SRBD1: variants seen among roughly 807,000 people sequenced by gnomAD.
SRBD1 encodes S1 RNA binding domain 1.
SRBD1 carries 88 observed loss-of-function variants against 115.3 expected under a neutral mutation model. The observed-to-expected ratio is 0.76, with a 90% CI of 0.64 to 0.91. SRBD1 has a LOEUF of 0.91. Ranked by LOEUF, SRBD1 falls within the 40% of genes least tolerant of loss-of-function variation. The pLI is 0.00. For synonymous variants in SRBD1, 509 were observed against 407.7 expected, an observed-to-expected ratio of 1.25 and a Z score of -2.99; for missense variants, 1,385 against 1,177.4, an observed-to-expected ratio of 1.18 and a Z score of -2.58.
At chr2:45,428,889 T>C (rs1668243139) in intron 16 of SRBD1, among the ~76,000 whole-genome samples, 1 of 151,896 alleles carries the variant, frequency 6.6e-6, no homozygotes, top group Non-Finnish European at 1.5e-5. Context: ...TCTGAAAAGA[T>C]TAACAAAATA....
intron 7 of SRBD1, 33 bp from the exon 8 acceptor site, chr2:45,574,756 C>A (rs1461230472): frequency 1.3e-6 from 2 of 1,544,386 alleles, no homozygotes; most frequent in Admixed American, 4.0e-5. Flanking sequence ...AAAACAAAAA[C>A]AAAAAGTATA....
chr2:45,566,633 TAC>T (rs1287488587), intron 9 of SRBD1, among the ~76,000 whole-genome samples: 2 of 152,208 alleles, frequency 1.3e-5, no homozygotes, highest in Non-Finnish European at 2.9e-5. Context: ...CCATTGAACT[TAC>T]AAAGTTCTAA....
intron 11 of SRBD1, among the ~76,000 whole-genome samples, chr2:45,552,801 T>C (rs1213354052): frequency 6.6e-6 from 1 of 152,194 alleles, no homozygotes; most frequent in Non-Finnish European, 1.5e-5. Context: ...GGACTATGTG[T>C]CTTTTTTAAT....
chr2:45,592,669 T>C (rs1225717399), intron 4 of SRBD1, among the ~76,000 whole-genome samples: 1 of 152,166 alleles, frequency 6.6e-6, no homozygotes, highest in Non-Finnish European at 1.5e-5. Context: ...CTTGGATACC[T>C]TCCACTGGTA....
intron 4 of SRBD1, among the ~76,000 whole-genome samples, chr2:45,596,163 T>C (rs559097374): frequency 2.0e-5 from 3 of 152,364 alleles, no homozygotes; most frequent in Admixed American, 6.5e-5. Context: ...AGGACATTAC[T>C]GCTACTAGCT....
chr2:45,556,230 A>T (rs1485907415), intron 10 of SRBD1, among the ~76,000 whole-genome samples: 2 of 152,184 alleles, frequency 1.3e-5, no homozygotes, highest in Admixed American at 1.3e-4. Flanking sequence ...TTAGGGATAC[A>T]GAGGAGTAGG....
intron 9 of SRBD1, among the ~76,000 whole-genome samples, chr2:45,566,472 A>T (rs1394956063): frequency 6.6e-6 from 1 of 152,266 alleles, no homozygotes; most frequent in Non-Finnish European, 1.5e-5. Context: ...TGCATATTGT[A>T]TGATTCCTTT....
intron 19 of SRBD1, among the ~76,000 whole-genome samples, chr2:45,402,554 A>G (rs1330916334): frequency 6.6e-6 from 1 of 152,216 alleles, no homozygotes; most frequent in Non-Finnish European, 1.5e-5. Context: ...TTCCTGCTAC[A>G]CAGGCTGTTA....
At chr2:45,517,133 C>T (rs144328537) in intron 14 of SRBD1, among the ~76,000 whole-genome samples, 1,759 of 152,250 alleles carry the variant, frequency 0.012, 43 homozygotes, top group African/African-American at 0.038. Flanking sequence ...ATGAGGGTAT[C>T]TAAAGCACCA....
chr2:45,413,263 T>C lies in SRBD1; in HGVS notation c.2364A>G (p.Gln788=), dbSNP rs750478234. ...SQQTETSGQI[Q]GVAVTSSADV... ...CTGCTGAAGATGTCACAGCAACTCC[T>C]TGAATTTGGCCTGAAGTTTCAGTTT... is the stretch of plus-strand genomic sequence containing the variant. The change falls in exon 19 of 21, where the codon CAA becomes CAG. Residue 788 remains glutamine, a synonymous_variant. Transcript: ENST00000263736. 1 of 1,613,780 alleles carries C rather than the reference T, an allele frequency of 6.2e-7. No individual in the cohort carries two copies. Among genetic ancestry groups the C allele is most frequent in the South Asian group, 1.1e-5 (1 of 90,970 alleles).
chr2:45,490,326 T>C (rs1220005504), intron 14 of SRBD1, among the ~76,000 whole-genome samples: 1 of 152,130 alleles, frequency 6.6e-6, no homozygotes, highest in East Asian at 1.9e-4. Flanking sequence ...AAAATGTTTG[T>C]GTTTATATAA....
At chr2:45,451,215 T>A (rs917075207) in intron 16 of SRBD1, among the ~76,000 whole-genome samples, 3 of 152,108 alleles carry the variant, frequency 2.0e-5, no homozygotes, top group African/African-American at 7.2e-5. Flanking sequence ...TTTTTTTTAA[T>A]TGCACTTGAA....
intron 16 of SRBD1, among the ~76,000 whole-genome samples, chr2:45,475,233 C>A (rs2103814635): frequency 6.6e-6 from 1 of 152,252 alleles, no homozygotes; most frequent in South Asian, 2.1e-4. Flanking sequence ...TATCACCACA[C>A]AAACCCTGCA....
At chr2:45,498,119 T>C (rs1022980150) in intron 14 of SRBD1, among the ~76,000 whole-genome samples, 10 of 152,000 alleles carry the variant, frequency 6.6e-5, no homozygotes, top group Non-Finnish European at 1.0e-4. Context: ...TATGAAGTGT[T>C]ATCTACTTAT....
chr2:45,420,763 A>G (rs1167117096), intron 16 of SRBD1, among the ~76,000 whole-genome samples: 1 of 152,242 alleles, frequency 6.6e-6, no homozygotes, highest in Non-Finnish European at 1.5e-5. Context: ...GCATTTCTTA[A>G]AAGAGTAATC....
At chr2:45,608,725 G>T (rs1236239179) in intron 1 of SRBD1, among the ~76,000 whole-genome samples, 3 of 151,992 alleles carry the variant, frequency 2.0e-5, no homozygotes, top group Non-Finnish European at 2.9e-5. Flanking sequence ...AACTCTTGAT[G>T]ACCATTTCTT....
Position 45,389,217 on chromosome 2 carries a change from C to T in SRBD1, c.*93G>A, listed in dbSNP as rs1408145421. Reference sequence around the variant, plus strand: ...TTCTGATATTAAGTGAATTATTTCTCATCTGCTACCTAGAGTTTACAAACA... The same window carrying T: ...TTCTGATATTAAGTGAATTATTTCTTATCTGCTACCTAGAGTTTACAAACA... On this transcript the variant is annotated 3_prime_UTR_variant, in exon 21 of 21. Coordinates refer to ENST00000263736, the MANE Select transcript of SRBD1 (RefSeq NM_018079.5). 5.1e-6 allele frequency: 7 copies of T among 1,382,122 alleles called. No individual in the cohort carries two copies. The highest frequency in any genetic ancestry group is 6.9e-6 in the Non-Finnish European group (7 of 1,016,286). The allele number at this position is 1,382,122 out of a possible 1,614,324, so 85.6% of individuals were successfully genotyped here. A position where few individuals can be genotyped will look rare whatever the true frequency, so the allele number is the denominator to read the frequency against.
At chr2:45,486,227 G>A (rs1437107749) in intron 15 of SRBD1, among the ~76,000 whole-genome samples, 1 of 152,212 alleles carries the variant, frequency 6.6e-6, no homozygotes, top group African/African-American at 2.4e-5. Context: ...CGGGAGGCCT[G>A]AGGGATTGTT....
At position 45,581,716 on chromosome 2, in the gene SRBD1, T is replaced by C; in HGVS notation, c.910A>G (p.Thr304Ala). Residue 304 changes from threonine to alanine, a missense_variant, in exon 6 of 21, where the codon ACT (threonine) becomes GCT (alanine). By Grantham distance (58) the Thr-to-Ala change is moderately conservative (BLOSUM62 0). Transcript: ENST00000263736. ...ACCACGTGTTCTAGTTCTTCAAAAG[T>C]TTTACAATTCAGCATGGCTTTTAAC... The part of the protein sequence containing the change: ...CLLKAMLNCK[T>A]FEELEHVSAP... 1 of 1,613,110 alleles carries C rather than the reference T, an allele frequency of 6.2e-7. No homozygotes were observed.
Sources: allele counts gnomAD v4.1 joint callset (sites outside exome capture counted in the v4.1 genomes callset), GRCh38; gene constraint gnomAD v4.1.1; transcripts MANE v1.5; gene names NCBI Gene and HGNC (gene_info 2026-07-23, HGNC 2026-07-21).